The following ARID3B variants were observed in gnomAD, a reference collection of about 807,000 sequenced individuals.
The protein encoded by ARID3B is AT-rich interaction domain 3B.
In ARID3B, 10 loss-of-function variants were observed where a neutral mutation model predicts 51.9. That is an observed-to-expected ratio of 0.19 (90% CI 0.12 to 0.33). ARID3B has a LOEUF of 0.33. Among genes scored for constraint, ARID3B ranks in the 10% least tolerant of loss-of-function variants. The probability of loss-of-function intolerance (pLI) is 1.00; values close to 1 mark genes in which losing one functional copy is unlikely to be tolerated. For synonymous variants in ARID3B, 205 were observed against 279.5 expected (o/e 0.73, Z 2.66); for missense variants, 483 against 716.3 (o/e 0.67, Z 3.72).
At chr15:74,572,268 C>T (rs1027661746) in intron 2 of ARID3B, among the ~76,000 whole-genome samples, 9 of 152,222 alleles carry the variant, frequency 5.9e-5, no homozygotes, top group African/African-American at 1.7e-4. Context: ...AAAATGAACT[C>T]TCGCCCTAGT....
At chr15:74,548,714 A>C (rs979399511) in intron 2 of ARID3B, among the ~76,000 whole-genome samples, 1 of 152,244 alleles carries the variant, frequency 6.6e-6, no homozygotes, top group Non-Finnish European at 1.5e-5. Flanking sequence ...GGGCACCCTC[A>C]GCTCATGACA....
At chr15:74,592,688 G>A (rs1056354208) in intron 7 of ARID3B, among the ~76,000 whole-genome samples, 13 of 152,260 alleles carry the variant, frequency 8.5e-5, no homozygotes, top group African/African-American at 2.2e-4. Flanking sequence ...GGGTGGTCAT[G>A]GAGGGGAGGG....
Position 74,577,043 on chromosome 15 carries a change from A to G in ARID3B, c.697+3839A>G, listed in dbSNP as rs7180069. ...AAGGCAAAATATTGGCTTTCAGGAA[A>G]CTTGCCGTGGCAGTGTATAGTTGGG... is the stretch of plus-strand genomic sequence containing the variant. On this transcript the variant is annotated intron_variant, in intron 4 of 8. Coordinates refer to ENST00000346246, the MANE Select transcript of ARID3B (RefSeq NM_006465.4). 6.0e-3 allele frequency among the ~76,000 whole-genome samples: 917 copies of G among 152,322 alleles called. 7 individuals carry two copies. Among genetic ancestry groups the G allele is most frequent in the African/African-American group, 0.021 (863 of 41,574 alleles).
chr15:74,593,962 G>A (rs188505401), intron 8 of ARID3B, among the ~76,000 whole-genome samples: 134 of 151,392 alleles, frequency 8.9e-4, no homozygotes, highest in African/African-American at 3.2e-3. Flanking sequence ...AGGATCACTT[G>A]AGCCCAGGAG....
chr15:74,547,182 CAG>C (rs1174569334), intron 2 of ARID3B, among the ~76,000 whole-genome samples: 1 of 150,138 alleles, frequency 6.7e-6, no homozygotes, highest in Admixed American at 6.6e-5. Context: ...CCCGCCGACA[CAG>C]AGCGCACTCT....
At chr15:74,547,906 G>C (rs1167813465) in intron 2 of ARID3B, among the ~76,000 whole-genome samples, 3 of 152,180 alleles carry the variant, frequency 2.0e-5, no homozygotes, top group Non-Finnish European at 4.4e-5. Context: ...AAAGCTTAAG[G>C]GTTCCAGAGA....
chr15:74,571,617 G>A (rs1010816475), intron 2 of ARID3B, among the ~76,000 whole-genome samples: 5 of 152,222 alleles, frequency 3.3e-5, no homozygotes, highest in Non-Finnish European at 5.9e-5. Context: ...TGGTGTGCCA[G>A]GCAATGTGCT....
chr15:74,559,166 C>T (rs2028166), intron 2 of ARID3B, among the ~76,000 whole-genome samples: 9,150 of 152,232 alleles, frequency 0.06, 875 homozygotes, highest in African/African-American at 0.21. Flanking sequence ...GTTCAGCACT[C>T]GGCTCTTAAG....
chr15:74,576,583 G>A (rs113681664), intron 4 of ARID3B, among the ~76,000 whole-genome samples: 42 of 152,156 alleles, frequency 2.8e-4, no homozygotes, highest in Admixed American at 6.5e-4. Flanking sequence ...TGCTCGAGCC[G>A]GGGACTTGGG....
At chr15:74,583,605 C>T (rs1169962081) in intron 4 of ARID3B, among the ~76,000 whole-genome samples, 3 of 151,700 alleles carry the variant, frequency 2.0e-5, no homozygotes, top group Non-Finnish European at 4.4e-5. Flanking sequence ...TAATCCCAGC[C>T]ACTTGGGAGC....
At chr15:74,592,311 C>T (rs2061806794) in intron 7 of ARID3B, among the ~76,000 whole-genome samples, 2 of 152,238 alleles carry the variant, frequency 1.3e-5, no homozygotes, top group African/African-American at 4.8e-5. Flanking sequence ...TTCCCTTCCT[C>T]TTCACATTGT....
At chr15:74,542,289 A>T (rs1161702657) in intron 1 of ARID3B, among the ~76,000 whole-genome samples, 1 of 152,246 alleles carries the variant, frequency 6.6e-6, no homozygotes, top group African/African-American at 2.4e-5. Context: ...ATGTGGATGT[A>T]AATCTTGTCA....
chr15:74,571,984 G>C (rs1346998202), intron 2 of ARID3B, among the ~76,000 whole-genome samples: 1 of 152,042 alleles, frequency 6.6e-6, no homozygotes, highest in African/African-American at 2.4e-5. Flanking sequence ...TTGCGCACAC[G>C]TGTAATCCCA....
At position 74,591,175 on chromosome 15, in the gene ARID3B, T is replaced by C. The variant is rs906162279; in HGVS notation, c.906T>C (p.Tyr302=). 6.2e-7 allele frequency: 1 copy of C among 1,610,592 alleles called. No individual in the cohort carries two copies. The highest frequency in any genetic ancestry group is 8.5e-7 in the Non-Finnish European group (1 of 1,177,354). ...GGTACATGAAGTATCTGTATGCCTA[T>C]GAGTGTGAGAAGAAAGCCTTGAGTT... ...RTQYMKYLYA[Y]ECEKKALSSP... The change falls in exon 6 of 9, where the codon TAT becomes TAC. Residue 302 remains tyrosine (Y), a synonymous_variant. Transcript: ENST00000346246. The surrounding 1 kb of genome is among the most constrained non-coding windows in gnomAD (Gnocchi z 5.8).
chr15:74,549,970 G>A (rs1369420929), intron 2 of ARID3B, among the ~76,000 whole-genome samples: 1 of 152,226 alleles, frequency 6.6e-6, no homozygotes, highest in East Asian at 1.9e-4. Flanking sequence ...TTGAGAAACC[G>A]TGCTCTAGAT....
chr15:74,582,316 T>C (rs1326278375), intron 4 of ARID3B, among the ~76,000 whole-genome samples: 8 of 152,062 alleles, frequency 5.3e-5, no homozygotes, highest in African/African-American at 1.7e-4. Flanking sequence ...TATAGGCGCC[T>C]GCCACCACGT....
intron 4 of ARID3B, among the ~76,000 whole-genome samples, chr15:74,584,741 A>G (rs766463792): frequency 6.6e-6 from 1 of 152,204 alleles, no homozygotes; most frequent in Non-Finnish European, 1.5e-5. Flanking sequence ...AAAACAAAGT[A>G]CCAGGGAGCA....
chr15:74,582,948 C>A (rs1474855525), intron 4 of ARID3B, among the ~76,000 whole-genome samples: 2 of 151,280 alleles, frequency 1.3e-5, no homozygotes, highest in Non-Finnish European at 2.9e-5. Flanking sequence ...AATCCCAGCA[C>A]TTTGGGAGGG....
In ARID3B at chr15:74,574,397, T is replaced by C. The variant is rs2061729904; in HGVS notation, c.697+1193T>C. 2.6e-5 allele frequency: 4 copies of C among 152,364 alleles called. No homozygotes were observed. The South Asian group carries it at 6.2e-4, about 24-fold the overall frequency. 9.4% of individuals were successfully genotyped at this position (152,364 alleles called of 1,614,324 possible). Reference sequence around the variant, plus strand: ...CCCTTGGTGCCTGTGTCAACAACTTTATTGAGACCTAAGAATGAAATCTTC... The same window carrying C: ...CCCTTGGTGCCTGTGTCAACAACTTCATTGAGACCTAAGAATGAAATCTTC... On this transcript the variant is annotated intron_variant, in intron 4 of 8. Coordinates refer to ENST00000346246, the MANE Select transcript of ARID3B (RefSeq NM_006465.4).
Sources: gnomAD v4.1 joint callset for allele counts (sites outside exome capture counted in the v4.1 genomes callset) on GRCh38, gnomAD v4.1.1 for gene constraint, Gnocchi (gnomAD v3.1) non-coding constraint, MANE v1.5 for transcripts, NCBI Gene and HGNC (gene_info 2026-07-23, HGNC 2026-07-21) for gene names.